The following PBX3 variants were observed in gnomAD, a reference collection of about 807,000 sequenced individuals.
PBX3 encodes pre-B-cell leukemia transcription factor 3.
A neutral mutation model predicts 48.5 loss-of-function variants in PBX3; 14 were observed. The observed-to-expected ratio is 0.29, with a 90% CI of 0.19 to 0.45. The LOEUF is 0.45. Ranked by LOEUF, PBX3 falls within the 20% of genes least tolerant of loss-of-function variation. The probability of loss-of-function intolerance (pLI) is 1.00; values close to 1 mark genes in which losing one functional copy is unlikely to be tolerated. For synonymous variants in PBX3, 210 were observed against 200.3 expected (o/e 1.05, Z -0.41); for missense variants, 386 against 546.7 (o/e 0.71, Z 2.93).
chr9:125,895,709 T>G (rs1185042281), intron 2 of PBX3, among the ~76,000 whole-genome samples: 1 of 151,980 alleles, frequency 6.6e-6, no homozygotes, highest in African/African-American at 2.4e-5. Flanking sequence ...ATTTGAAATT[T>G]TATTACTTTT....
intron 2 of PBX3, among the ~76,000 whole-genome samples, chr9:125,754,023 C>T (rs184380752): frequency 3.3e-5 from 5 of 152,156 alleles, no homozygotes; most frequent in East Asian, 1.9e-4. Context: ...AACTGCATTT[C>T]GTGAACCACA....
chr9:125,922,795 C>G lies in PBX3; in HGVS notation c.517-6860C>G, dbSNP rs574146746. On this transcript the variant is annotated intron_variant, in intron 3 of 8. Coordinates refer to ENST00000373489, the MANE Select transcript of PBX3 (RefSeq NM_006195.6). ...AGACAGTACTGTGCTCTGCTCTGAACCTGGTACAGATGATGCTGAAATGAG... is the reference window on the plus strand; with the variant it reads ...AGACAGTACTGTGCTCTGCTCTGAAGCTGGTACAGATGATGCTGAAATGAG... Among the ~76,000 whole-genome samples, 109 of 152,230 alleles carry G rather than the reference C, an allele frequency of 7.2e-4. 1 individual carries two copies. Among genetic ancestry groups the G allele is most frequent in the Middle Eastern group, 3.4e-3 (1 of 294 alleles).
intron 2 of PBX3, among the ~76,000 whole-genome samples, chr9:125,860,162 G>C (rs1839826903): frequency 6.6e-6 from 1 of 152,200 alleles, no homozygotes; most frequent in South Asian, 2.1e-4. Context: ...CCAGGCTAAT[G>C]AATTAGCCAC....
At chr9:125,917,810 A>C (rs1176065216) in intron 3 of PBX3, among the ~76,000 whole-genome samples, 1 of 152,138 alleles carries the variant, frequency 6.6e-6, no homozygotes, top group Non-Finnish European at 1.5e-5. Flanking sequence ...CTATTTTTGG[A>C]ATAGGATTTT....
At chr9:125,812,918 G>A (rs1838335374) in intron 2 of PBX3, among the ~76,000 whole-genome samples, 1 of 152,166 alleles carries the variant, frequency 6.6e-6, no homozygotes, top group African/African-American at 2.4e-5. Flanking sequence ...GCTGTATAGG[G>A]CACTTACCAT....
chr9:125,940,280 T>C (rs1277330368), intron 5 of PBX3, among the ~76,000 whole-genome samples: 1 of 152,218 alleles, frequency 6.6e-6, no homozygotes, highest in Non-Finnish European at 1.5e-5. Context: ...TTAATTTTAG[T>C]GGCAGGTTTA....
intron 2 of PBX3, among the ~76,000 whole-genome samples, chr9:125,802,073 A>G (rs1449965981): frequency 6.6e-6 from 1 of 152,136 alleles, no homozygotes; most frequent in Non-Finnish European, 1.5e-5. Context: ...AACAACAACA[A>G]TAACAGCAAA....
intron 2 of PBX3, among the ~76,000 whole-genome samples, chr9:125,897,150 T>TC (rs1235908181): frequency 7.0e-6 from 1 of 143,198 alleles, no homozygotes; most frequent in African/African-American, 2.8e-5. Context: ...GGTTTTTTTT[T>TC]TTTTTTTTTT....
chr9:125,789,615 T>C (rs2132058506), intron 2 of PBX3, among the ~76,000 whole-genome samples: 1 of 152,188 alleles, frequency 6.6e-6, no homozygotes, highest in East Asian at 1.9e-4. Context: ...AATCTTGGAA[T>C]CCCATTACTT....
intron 2 of PBX3, among the ~76,000 whole-genome samples, chr9:125,831,131 T>A (rs1838951292): frequency 6.6e-6 from 1 of 152,232 alleles, no homozygotes; most frequent in Non-Finnish European, 1.5e-5. Context: ...TGTGGCAGTA[T>A]TTAATTTACG....
intron 2 of PBX3, among the ~76,000 whole-genome samples, chr9:125,816,437 C>A (rs7870250): frequency 0.73 from 111,489 of 152,196 alleles, 41,881 homozygotes; most frequent in African/African-American, 0.89. Context: ...TAGTTGTCTT[C>A]AATTGTTATT....
At chr9:125,961,560 G>A (rs1424073054) in intron 6 of PBX3, among the ~76,000 whole-genome samples, 1 of 152,194 alleles carries the variant, frequency 6.6e-6, no homozygotes, top group Non-Finnish European at 1.5e-5. Context: ...AGGTCTCTTA[G>A]CTATATCTTT....
rs1842406740 is a variant in PBX3 at position 125,960,588 on chromosome 9, C to T, written c.844-96C>T. The T allele has an allele frequency of 1.3e-5, 14 of 1,043,396 alleles. No individual in the cohort carries two copies. The South Asian group carries it at 2.1e-4, about 15-fold the overall frequency. 64.6% of individuals were successfully genotyped at this position (1,043,396 alleles called of 1,614,324 possible). On this transcript the variant is annotated intron_variant, in intron 5 of 8. Coordinates refer to ENST00000373489, the MANE Select transcript of PBX3 (RefSeq NM_006195.6). ...AGGTTGCAGGCTAGGAATTGTGTGT[C>T]TCCCAAGGTATTGCCTTGGTGTCCA...
intron 2 of PBX3, among the ~76,000 whole-genome samples, chr9:125,891,284 TTTA>T (rs1263597720): frequency 6.6e-6 from 1 of 152,198 alleles, no homozygotes; most frequent in African/African-American, 2.4e-5. Context: ...GTACTTACAA[TTTA>T]TTATTATAGA....
chr9:125,960,353 C>T (rs1842399914), intron 5 of PBX3, among the ~76,000 whole-genome samples: 1 of 152,144 alleles, frequency 6.6e-6, no homozygotes, highest in Non-Finnish European at 1.5e-5. Flanking sequence ...CAAATATTTC[C>T]TTCAGCTTTT....
intron 3 of PBX3, among the ~76,000 whole-genome samples, chr9:125,924,987 T>G (rs1420440765): frequency 6.6e-6 from 1 of 152,236 alleles, no homozygotes; most frequent in Non-Finnish European, 1.5e-5. Context: ...TGCTCATTAC[T>G]TAACCATAAA....
chr9:125,894,449 T>C (rs909130779), intron 2 of PBX3, among the ~76,000 whole-genome samples: 1 of 152,140 alleles, frequency 6.6e-6, no homozygotes, highest in Non-Finnish European at 1.5e-5. Flanking sequence ...CATAATGTTA[T>C]TCCTATTAAG....
chr9:125,755,922 T>C (rs889242636), intron 2 of PBX3, among the ~76,000 whole-genome samples: 1 of 152,186 alleles, frequency 6.6e-6, no homozygotes, highest in Non-Finnish European at 1.5e-5. Flanking sequence ...GTCTTTTTTT[T>C]CCTAAAACAT....
At chr9:125,761,679 A>G (rs558942001) in intron 2 of PBX3, among the ~76,000 whole-genome samples, 4 of 152,186 alleles carry the variant, frequency 2.6e-5, no homozygotes, top group Non-Finnish European at 4.4e-5. Context: ...GTGAATAGAA[A>G]GATACTAAGA....
Sources: allele counts gnomAD v4.1 joint callset (sites outside exome capture counted in the v4.1 genomes callset), GRCh38; gene constraint gnomAD v4.1.1; transcripts MANE v1.5; gene names NCBI Gene and HGNC (gene_info 2026-07-23, HGNC 2026-07-21).